The following TTC34 variants were observed in gnomAD, a reference collection of about 807,000 sequenced individuals.
TTC34 encodes the protein tetratricopeptide repeat protein 34.
TTC34 carries 44 observed loss-of-function variants against 40.7 expected under a neutral mutation model. That is an observed-to-expected ratio of 1.08 (90% CI 0.85 to 1.39). The LOEUF (loss-of-function observed/expected upper bound fraction) is 1.39, where lower values mean the gene tolerates loss of function less well. TTC34 is among the 40% of genes most tolerant of loss of function. The pLI is 0.00. For missense variants in TTC34, 884 were observed against 838.0 expected (o/e 1.05, Z -0.68); for synonymous variants, 422 against 398.6 (o/e 1.06, Z -0.70).
chr1:2,783,365 C>T (rs372539433), intron 6 of TTC34, among the ~76,000 whole-genome samples: 19 of 152,320 alleles, frequency 1.2e-4, no homozygotes, highest in East Asian at 9.7e-4. Context: ...TCTGAAGGCT[C>T]GCACATCTAT....
At chr1:2,667,086 T>C (rs1395590209) in intron 6 of TTC34, among the ~76,000 whole-genome samples, 32 of 6,872 alleles carry the variant, frequency 4.7e-3, no homozygotes, top group South Asian at 8.3e-3. Context: ...CCTGGAGCAG[T>C]GCCCAAACAC....
intron 6 of TTC34, among the ~76,000 whole-genome samples, chr1:2,684,003 G>A (rs1640204511): frequency 6.7e-6 from 1 of 150,010 alleles, no homozygotes; most frequent in East Asian, 2.0e-4. Context: ...ACCCCCAGGT[G>A]AGCATCTGAC....
At chr1:2,693,810 T>C (rs1353392703) in intron 6 of TTC34, among the ~76,000 whole-genome samples, 1 of 131,684 alleles carries the variant, frequency 7.6e-6, no homozygotes, top group African/African-American at 2.9e-5. Context: ...TGTGATGGTC[T>C]GGAGCAGCAC....
chr1:2,765,756 C>G, intron 6 of TTC34, among the ~76,000 whole-genome samples: 1 of 42,910 alleles, frequency 2.3e-5, no homozygotes, highest in Non-Finnish European at 3.7e-5. Flanking sequence ...GCGCCCACAC[C>G]CCCAGGTGAG....
intron 6 of TTC34, among the ~76,000 whole-genome samples, chr1:2,755,055 CT>C (rs1641460192): frequency 8.6e-5 from 6 of 70,014 alleles, no homozygotes; most frequent in South Asian, 1.4e-3. Context: ...GAACAGCACC[CT>C]GCACCCCCAG....
intron 6 of TTC34, among the ~76,000 whole-genome samples, chr1:2,649,442 A>G (rs543610892): frequency 6.9e-6 from 1 of 145,684 alleles, no homozygotes; most frequent in South Asian, 2.2e-4. Context: ...CAGTGCCCAT[A>G]CCCAGGTGAG....
chr1:2,792,005 G>GTTTTTTTTTTTTTTTTTT (rs1643668078), intron 2 of TTC34, among the ~76,000 whole-genome samples: 1 of 29,892 alleles, frequency 3.3e-5, no homozygotes, highest in Non-Finnish European at 1.1e-4. Flanking sequence ...CTTGCCATAT[G>GTTTTTTTTTTTTTTTTTT]CTTTTTTTTT....
At chr1:2,769,096 C>A (rs959203742) in intron 6 of TTC34, among the ~76,000 whole-genome samples, 1 of 504 alleles carries the variant, frequency 2.0e-3, no homozygotes, top group Non-Finnish European at 4.5e-3. Context: ...TAAAACAGCA[C>A]CCCTACTGGC....
chr1:2,650,896 A>G (rs1342686703), intron 6 of TTC34, among the ~76,000 whole-genome samples: 1 of 146,244 alleles, frequency 6.8e-6, no homozygotes. Context: ...AGGCTGCAAC[A>G]GCACCCACAC....
intron 6 of TTC34, among the ~76,000 whole-genome samples, chr1:2,768,561 C>A (rs1489388258): frequency 2.4e-4 from 36 of 152,028 alleles, no homozygotes; most frequent in African/African-American, 8.2e-4. Context: ...CATCTGATAG[C>A]CTGGATAGGC....
chr1:2,691,531 C>T (rs1214246289), intron 6 of TTC34, among the ~76,000 whole-genome samples: 1 of 116,956 alleles, frequency 8.6e-6, no homozygotes, highest in Non-Finnish European at 1.9e-5. Context: ...GAGTCTGGAA[C>T]AGAACCCACA....
At chr1:2,695,232 G>T in intron 6 of TTC34, among the ~76,000 whole-genome samples, 1 of 55,698 alleles carries the variant, frequency 1.8e-5, no homozygotes. Context: ...ATAGGTCCCT[G>T]CACCCCCAGG....
intron 6 of TTC34, among the ~76,000 whole-genome samples, chr1:2,659,526 AC>A (rs1238786957): frequency 1.1e-5 from 1 of 87,334 alleles, no homozygotes; most frequent in African/African-American, 3.3e-5. Flanking sequence ...GAGCATCTGA[AC>A]CCATGGAGCA....
intron 8 of TTC34, among the ~76,000 whole-genome samples, chr1:2,643,018 G>A (rs528580169): frequency 6.6e-6 from 1 of 152,318 alleles, no homozygotes; most frequent in South Asian, 2.1e-4. Flanking sequence ...GTAGTTCACG[G>A]CCCGGGGTGG....
At chr1:2,646,066 C>G (rs919733443) in intron 6 of TTC34, among the ~76,000 whole-genome samples, 1 of 152,158 alleles carries the variant, frequency 6.6e-6, no homozygotes, top group Non-Finnish European at 1.5e-5. Flanking sequence ...ACTGCTCTCC[C>G]GTAACTCCCA....
Position 2,752,270 on chromosome 1 carries a change from G to T in TTC34, c.2226+31339C>A, listed in dbSNP as rs1275304246. Among the ~76,000 whole-genome samples, 4 of 105,490 alleles carry T rather than the reference G, an allele frequency of 3.8e-5. 1 individual carries two copies. The highest frequency in any genetic ancestry group is 5.4e-5 in the Non-Finnish European group (3 of 55,494). 69.2% of individuals were successfully genotyped at this position (105,490 alleles called of 152,430 possible). On this transcript the variant is annotated intron_variant, in intron 6 of 8. Coordinates refer to ENST00000401095, the Ensembl canonical transcript of TTC34. Reference sequence around the variant, plus strand: ...CAAATGCCCAGCTGAGCCTCTGACAGCCTGGAACAGCACCTTGCACCCCCA... The same window carrying T: ...CAAATGCCCAGCTGAGCCTCTGACATCCTGGAACAGCACCTTGCACCCCCA...
At chr1:2,764,505 CAGGTGA>C (rs1641740560) in intron 6 of TTC34, among the ~76,000 whole-genome samples, 1 of 150,090 alleles carries the variant, frequency 6.7e-6, no homozygotes, top group Admixed American at 6.6e-5. Context: ...TCCACACCCC[CAGGTGA>C]GCATCTGGCA....
chr1:2,687,232 G>T (rs71503035), intron 6 of TTC34, among the ~76,000 whole-genome samples: 4 of 125,016 alleles, frequency 3.2e-5, no homozygotes, highest in South Asian at 2.4e-4. Flanking sequence ...ACAGCCTGGA[G>T]CAGCACCCAC....
At chr1:2,778,965 G>C (rs1424549691) in intron 6 of TTC34, among the ~76,000 whole-genome samples, 1 of 152,066 alleles carries the variant, frequency 6.6e-6, no homozygotes, top group African/African-American at 2.4e-5. Context: ...TCTGCTTTCT[G>C]TCTCTGTGAT....
Sources: allele counts gnomAD v4.1 joint callset (sites outside exome capture counted in the v4.1 genomes callset), GRCh38; gene constraint gnomAD v4.1.1; transcripts MANE v1.5; gene names NCBI Gene and HGNC (gene_info 2026-07-23, HGNC 2026-07-21).